Variants in CXCL13 observed in about 807,000 individuals in gnomAD.
The protein encoded by CXCL13 is C-X-C motif chemokine 13.
Under a neutral mutation model 12.2 loss-of-function variants are expected in CXCL13, and 7 were observed. The observed-to-expected ratio is 0.57, with a 90% CI of 0.33 to 1.07. The LOEUF (loss-of-function observed/expected upper bound fraction) is 1.07. CXCL13 is among the 50% of genes least tolerant of loss of function. The pLI, the probability that CXCL13 is intolerant of heterozygous loss-of-function variation, is 0.04. For missense variants in CXCL13, 113 were observed against 127.4 expected (o/e 0.89, Z 0.55); for synonymous variants, 47 against 42.4 (o/e 1.11, Z -0.42).
intron 1 of CXCL13, 105 bp downstream of exon 1, chr4:77,606,034 GA>G (rs1421038793): frequency 4.3e-5 from 27 of 634,458 alleles, no homozygotes; most frequent in African/African-American, 3.3e-4. Flanking sequence ...ACTAAAGGGG[GA>G]AAAAACTGCT....
intron 1 of CXCL13, among the ~76,000 whole-genome samples, chr4:77,541,781 C>T (rs933069214): frequency 6.6e-6 from 1 of 152,096 alleles, no homozygotes; most frequent in Non-Finnish European, 1.5e-5. Context: ...ATATGAATAC[C>T]ATTGAATCTG....
chr4:77,520,369 T>C (rs368376949), intron 1 of CXCL13, among the ~76,000 whole-genome samples: 3 of 152,180 alleles, frequency 2.0e-5, no homozygotes, highest in Non-Finnish European at 4.4e-5. Flanking sequence ...CTTCCATTTG[T>C]TTGTGTCCTC....
rs543778983 is a variant in CXCL13, at chr4:77,553,546, A to C, written c.-43+41758A>C. ...CTCTCCCTTGGCCTGAATTGCTTGGATCCCCAGTGGAAAGGTGAGTCACAG... is the reference window on the plus strand; with the variant it reads ...CTCTCCCTTGGCCTGAATTGCTTGGCTCCCCAGTGGAAAGGTGAGTCACAG... On this transcript the variant is annotated intron_variant, in intron 1 of 4. Transcript: ENST00000286758. 3.3e-5 allele frequency among the ~76,000 whole-genome samples: 5 copies of C among 152,308 alleles called. 1 individual carries two copies. In the South Asian group the frequency reaches 8.3e-4, roughly 25 times the overall value.
At position 77,606,043 on chromosome 4, in the gene CXCL13, GCT is replaced by G. The variant is rs746098627; in HGVS notation, c.64+117_64+118del. 345 of 556,496 alleles carry G rather than the reference GCT, an allele frequency of 6.2e-4. 2 individuals are homozygous for G. Among genetic ancestry groups the G allele is most frequent in the Non-Finnish European group, 9.8e-4 (314 of 318,946 alleles). 34.5% of individuals were successfully genotyped at this position (556,496 alleles called of 1,614,324 possible). ...AGTCTGACTAAAGGGGGAAAAAACTGCTCTGTTCCTTCTAGATTTCTCAAAGT... is the reference window on the plus strand; with the variant it reads ...AGTCTGACTAAAGGGGGAAAAAACTGCTGTTCCTTCTAGATTTCTCAAAGT... On this transcript the variant is annotated intron_variant, in intron 1 of 3. Coordinates refer to ENST00000682537, the MANE Select transcript of CXCL13 (RefSeq NM_001371558.1).
intron 1 of CXCL13, among the ~76,000 whole-genome samples, chr4:77,559,660 C>T (rs1321539003): frequency 6.6e-6 from 1 of 152,068 alleles, no homozygotes; most frequent in Non-Finnish European, 1.5e-5. Flanking sequence ...CAGTGGCTCA[C>T]ACCTGTAATC....
At chr4:77,520,950 C>T (rs958002817) in intron 1 of CXCL13, among the ~76,000 whole-genome samples, 2 of 152,122 alleles carry the variant, frequency 1.3e-5, no homozygotes, top group Admixed American at 6.6e-5. Flanking sequence ...TCTTGAAGGC[C>T]TTTTCTGCAT....
chr4:77,519,038 G>A (rs144882329), intron 1 of CXCL13, among the ~76,000 whole-genome samples: 4,303 of 152,254 alleles, frequency 0.028, 204 homozygotes, highest in African/African-American at 0.098. Flanking sequence ...CAAGTCTGTT[G>A]GAGTTTGCTA....
At chr4:77,602,232 T>TGA (rs1396819108), upstream of CXCL13, among the ~76,000 whole-genome samples, 1 of 152,172 alleles carries the variant, frequency 6.6e-6, no homozygotes, top group Non-Finnish European at 1.5e-5. Context: ...TTTGATATCT[T>TGA]GAGAGAGAGT....
intron 1 of CXCL13, among the ~76,000 whole-genome samples, chr4:77,536,976 T>C (rs1461963570): frequency 6.6e-6 from 1 of 152,178 alleles, no homozygotes; most frequent in Non-Finnish European, 1.5e-5. Flanking sequence ...TCTATTACTT[T>C]GGTCTTCTCT....
At chr4:77,603,192 A>G (rs1437819093), upstream of CXCL13, among the ~76,000 whole-genome samples, 1 of 152,222 alleles carries the variant, frequency 6.6e-6, no homozygotes, top group Non-Finnish European at 1.5e-5. Flanking sequence ...AATATATAGT[A>G]CTTAGAGGTA....
intron 1 of CXCL13, among the ~76,000 whole-genome samples, chr4:77,596,533 C>T (rs1252375385): frequency 6.6e-6 from 1 of 151,960 alleles, no homozygotes; most frequent in East Asian, 1.9e-4. Flanking sequence ...GCCTGTAATC[C>T]CAGCACTTTG....
intron 1 of CXCL13, among the ~76,000 whole-genome samples, chr4:77,529,098 GTAT>G (rs1304351846): frequency 6.6e-6 from 1 of 152,128 alleles, no homozygotes; most frequent in Non-Finnish European, 1.5e-5. Context: ...TAGATATGTG[GTAT>G]TATTTCTGAG....
chr4:77,573,257 A>C (rs1021856767), intron 1 of CXCL13, among the ~76,000 whole-genome samples: 2 of 151,908 alleles, frequency 1.3e-5, no homozygotes, highest in African/African-American at 4.9e-5. Context: ...ATTTAAAAAA[A>C]AGAAATTTTC....
chr4:77,520,737 A>G (rs1724571680), intron 1 of CXCL13, among the ~76,000 whole-genome samples: 1 of 152,188 alleles, frequency 6.6e-6, no homozygotes, highest in Non-Finnish European at 1.5e-5. Flanking sequence ...TCCTGGCCAG[A>G]ACTTCCAACA....
At chr4:77,605,417 G>C (rs139119625), upstream of CXCL13, among the ~76,000 whole-genome samples, 918 of 152,224 alleles carry the variant, frequency 6.0e-3, 10 homozygotes, top group African/African-American at 0.02. Flanking sequence ...CACATGCTAG[G>C]GACGTGATGC....
In CXCL13 at chr4:77,571,390, C is replaced by A. The variant is rs574354800; in HGVS notation, c.-42-34434C>A. On this transcript the variant is annotated intron_variant, in intron 1 of 4. Transcript: ENST00000286758. ...CTGCTCTGGTGGGGATGTGGAGAAC[C>A]TTTATGTCTAGCTCAGGGATTGTAA... Among the ~76,000 whole-genome samples the A allele has an allele frequency of 1.2e-3, 179 of 150,998 alleles. 1 individual carries two copies. Among genetic ancestry groups the A allele is most frequent in the African/African-American group, 4.2e-3 (171 of 40,708 alleles).
At chr4:77,519,246 AG>A (rs2110079211) in intron 1 of CXCL13, among the ~76,000 whole-genome samples, 1 of 152,310 alleles carries the variant, frequency 6.6e-6, no homozygotes, top group African/African-American at 2.4e-5. Context: ...GTCAGGGGTC[AG>A]GGACCCACTT....
intron 1 of CXCL13, among the ~76,000 whole-genome samples, chr4:77,549,421 G>C (rs972939930): frequency 2.6e-5 from 4 of 152,146 alleles, no homozygotes; most frequent in Admixed American, 2.0e-4. Context: ...AGGTGCTCTG[G>C]TTTTTAGAAT....
chr4:77,607,748 A>AAG lies in CXCL13; in HGVS notation c.115_116dup (p.Ser39ArgfsTer29). On this transcript the variant is annotated frameshift_variant, in exon 2 of 4. Coordinates refer to ENST00000682537, the MANE Select transcript of CXCL13 (RefSeq NM_001371558.1). LOFTEE classifies it high-confidence loss of function. The stretch of plus-strand genomic sequence containing the variant: ...ACAAGCTTGAGGTGTAGATGTGTCC[A>AAG]AGAGAGCTCAGTCTTTATCCCTAGA... The AAG allele has an allele frequency of 6.2e-7, 1 of 1,613,010 alleles. No individual in the cohort carries two copies. The highest frequency in any genetic ancestry group is 8.5e-7 in the Non-Finnish European group (1 of 1,179,546).
Sources: gnomAD v4.1 joint callset for allele counts (sites outside exome capture counted in the v4.1 genomes callset) on GRCh38, gnomAD v4.1.1 for gene constraint, MANE v1.5 for transcripts, NCBI Gene and HGNC (gene_info 2026-07-23, HGNC 2026-07-21) for gene names.